NEBL: variants seen among roughly 807,000 people sequenced by gnomAD.
NEBL encodes the protein nebulette.
Under a neutral mutation model 140.2 loss-of-function variants are expected in NEBL, and 122 were observed. The ratio of observed to expected loss-of-function variants is 0.87; its 90% confidence interval spans 0.75 to 1.01. NEBL has a LOEUF of 1.01. Among genes scored for constraint, NEBL ranks in the 50% least tolerant of loss-of-function variants. NEBL has a pLI of 0.00. For synonymous variants in NEBL, 436 were observed against 398.9 expected, an observed-to-expected ratio of 1.09 and a Z score of -1.11; for missense variants, 1,365 against 1,231.3, an observed-to-expected ratio of 1.11 and a Z score of -1.62.
chr10:21,283,333 C>T (rs1163186580), intron 1 of NEBL, among the ~76,000 whole-genome samples: 2 of 152,116 alleles, frequency 1.3e-5, no homozygotes, highest in African/African-American at 4.8e-5. Flanking sequence ...TAATCCACCG[C>T]TTGTTTAGCA....
At chr10:21,208,988 G>A (rs1814435711) in intron 3 of NEBL, among the ~76,000 whole-genome samples, 1 of 152,176 alleles carries the variant, frequency 6.6e-6, no homozygotes, top group Admixed American at 6.5e-5. Context: ...GGTGCCCTTT[G>A]TTTGTTTTTA....
intron 5 of NEBL, among the ~76,000 whole-genome samples, chr10:20,871,657 T>G (rs1844948129): frequency 6.6e-6 from 1 of 152,140 alleles, no homozygotes; most frequent in Non-Finnish European, 1.5e-5. Context: ...GAAACACAAT[T>G]AGTATAATTT....
chr10:20,992,763 G>GTTTTT (rs1393016825), intron 3 of NEBL, among the ~76,000 whole-genome samples: 2 of 107,848 alleles, frequency 1.9e-5, no homozygotes, highest in African/African-American at 4.0e-5. Flanking sequence ...CAACTACAAA[G>GTTTTT]TCTTTTTTTT....
chr10:20,856,642 G>A (rs1380284547), intron 9 of NEBL, among the ~76,000 whole-genome samples: 1 of 152,044 alleles, frequency 6.6e-6, no homozygotes, highest in Non-Finnish European at 1.5e-5. Context: ...GTAAAAAGAG[G>A]TGTGGGAATG....
At chr10:20,858,482 T>C in intron 8 of NEBL, 138 bp from the exon 9 acceptor site, 1 of 734,842 alleles carries the variant, frequency 1.4e-6, no homozygotes, top group East Asian at 2.7e-5. Flanking sequence ...AGCCACTAGA[T>C]GGTGCTGATT....
At chr10:20,807,290 C>T (rs372970065) in intron 26 of NEBL, among the ~76,000 whole-genome samples, 23 of 152,194 alleles carry the variant, frequency 1.5e-4, no homozygotes, top group African/African-American at 5.3e-4. Flanking sequence ...TGTGCCACTG[C>T]ACTCCAGCCT....
At chr10:21,093,429 A>C (rs912223036) in intron 2 of NEBL, among the ~76,000 whole-genome samples, 3 of 152,146 alleles carry the variant, frequency 2.0e-5, no homozygotes, top group Admixed American at 6.5e-5. Flanking sequence ...TCACCCATCA[A>C]GTCAAGGGAA....
At chr10:21,070,804 A>G (rs1472966857) in intron 2 of NEBL, among the ~76,000 whole-genome samples, 4 of 152,214 alleles carry the variant, frequency 2.6e-5, no homozygotes, top group Non-Finnish European at 5.9e-5. Context: ...AATGAAAATC[A>G]TAACTATTTT....
At chr10:21,217,526 T>C (rs987597363) in intron 3 of NEBL, among the ~76,000 whole-genome samples, 31 of 152,138 alleles carry the variant, frequency 2.0e-4, no homozygotes, top group Admixed American at 7.2e-4. Flanking sequence ...ACTTTAACAT[T>C]GATAGCATCT....
chr10:21,112,741 T>TAAA, intron 2 of NEBL: 1 of 138,816 alleles, frequency 7.2e-6, no homozygotes, highest in Non-Finnish European at 1.6e-5. Context: ...TAAAGTATAA[T>TAAA]AAAAAAAAAA....
At chr10:20,843,369 ATACAGTG>A (rs1841571797) in intron 12 of NEBL, among the ~76,000 whole-genome samples, 1 of 152,034 alleles carries the variant, frequency 6.6e-6, no homozygotes, top group Non-Finnish European at 1.5e-5. Context: ...GACCAATACA[ATACAGTG>A]TTCTGAGCCC....
intron 3 of NEBL, among the ~76,000 whole-genome samples, chr10:21,207,657 G>C (rs1417053651): frequency 6.6e-6 from 1 of 152,054 alleles, no homozygotes; most frequent in African/African-American, 2.4e-5. Context: ...GGAGATCATG[G>C]AGCAGGGGAA....
At chr10:21,243,961 CGGAAGGGAG>C (rs1258110562) in intron 3 of NEBL, among the ~76,000 whole-genome samples, 1 of 104,980 alleles carries the variant, frequency 9.5e-6, no homozygotes, top group Non-Finnish European at 1.9e-5. Flanking sequence ...GGGAAGAGGA[CGGAAGGGAG>C]GGAAGGGAGG....
intron 4 of NEBL, among the ~76,000 whole-genome samples, chr10:20,902,670 G>A (rs1217544868): frequency 6.6e-6 from 1 of 152,128 alleles, no homozygotes; most frequent in East Asian, 1.9e-4. Context: ...TGAGCTGAAA[G>A]TCTTCGGTTT....
At chr10:21,149,955 G>A (rs890031633) in intron 2 of NEBL, among the ~76,000 whole-genome samples, 3 of 152,124 alleles carry the variant, frequency 2.0e-5, no homozygotes, top group African/African-American at 4.8e-5. Context: ...TGATTGCTGT[G>A]GGGTAAAAGC....
At chr10:21,019,855 G>C (rs935717019) in intron 3 of NEBL, among the ~76,000 whole-genome samples, 5 of 152,168 alleles carry the variant, frequency 3.3e-5, no homozygotes, top group African/African-American at 1.2e-4. Context: ...CAAGATTGTT[G>C]GGAAACATTG....
intron 2 of NEBL, among the ~76,000 whole-genome samples, chr10:21,033,934 G>A (rs1833906149): frequency 6.6e-6 from 1 of 151,682 alleles, no homozygotes; most frequent in Non-Finnish European, 1.5e-5. Context: ...GGGAGGCCGA[G>A]GCGGGTGGAT....
chr10:20,828,783 G>GAT, intron 16 of NEBL, 149 bp from the exon 17 acceptor site: 1 of 620,796 alleles, frequency 1.6e-6, no homozygotes, highest in Non-Finnish European at 2.9e-6. Flanking sequence ...GAGAGAGAGA[G>GAT]GTGGAGAGAC....
At chr10:21,169,557 A>T (rs1340730545) in intron 2 of NEBL, among the ~76,000 whole-genome samples, 1 of 152,176 alleles carries the variant, frequency 6.6e-6, no homozygotes, top group Non-Finnish European at 1.5e-5. Flanking sequence ...TCCTTTTCAG[A>T]CTACAGACTG....
Sources: allele counts gnomAD v4.1 joint callset (sites outside exome capture counted in the v4.1 genomes callset), GRCh38; gene constraint gnomAD v4.1.1; transcripts MANE v1.5; gene names NCBI Gene and HGNC (gene_info 2026-07-23, HGNC 2026-07-21).